The following SRCAP variants were observed in gnomAD, a reference collection of about 807,000 sequenced individuals.
SRCAP encodes Snf2 related CREBBP activator protein.
Under a neutral mutation model 263.1 loss-of-function variants are expected in SRCAP, and 46 were observed. That is an observed-to-expected ratio of 0.17 (90% confidence interval 0.14 to 0.22). The LOEUF (loss-of-function observed/expected upper bound fraction) is 0.22, where lower values mean the gene tolerates loss of function less well. SRCAP is among the 10% of genes least tolerant of loss of function. The probability of loss-of-function intolerance (pLI) is 1.00; values close to 1 mark genes in which losing one functional copy is unlikely to be tolerated. For missense variants in SRCAP, 3,695 were observed against 4,181.9 expected (o/e 0.88, Z 3.21); for synonymous variants, 1,813 against 1,662.1 (o/e 1.09, Z -2.21).
rs764834064 is a variant in SRCAP at position 30,738,006 on chromosome 16, C to T, written c.7966C>T (p.Pro2656Ser). The T allele has an allele frequency of 2.5e-6, 4 of 1,614,096 alleles. No individual in the cohort carries two copies. The highest frequency in any genetic ancestry group is 1.6e-4 in the Middle Eastern group (1 of 6,062). ...VSESNGLELP[P>S]SAASDEPLQE... ...TGAGAGCAATGGCCTGGAGCTCCCACCCTCAGCAGCATCTGATGAGCCACT... is the reference window on the plus strand; with the variant it reads ...TGAGAGCAATGGCCTGGAGCTCCCATCCTCAGCAGCATCTGATGAGCCACT... The change falls in exon 34 of 34, where the codon CCC becomes TCC. Residue 2656 changes from proline (P) to serine (S), a missense_variant. This residue lies in a region of SRCAP where 1,207 missense variants were observed against 1,142.9 expected (regional missense o/e 1.06). Coordinates refer to ENST00000262518, the MANE Select transcript of SRCAP (RefSeq NM_006662.3).
At position 30,721,222 on chromosome 16, in the gene SRCAP, C is replaced by T; in HGVS notation, c.3287C>T (p.Thr1096Ile). ...LPSPLGVLSG[T>I]SRPPTPTLSL... The stretch of plus-strand genomic sequence containing the variant: ...TCCCCCCTGGGGGTCCTGAGTGGGA[C>T]CTCACGGCCTCCCACGCCAACCTTG... Residue 1096 changes from threonine to isoleucine, a missense_variant, in exon 21 of 34, where the codon ACC becomes ATC. Transcript: ENST00000262518. 6.2e-7 allele frequency: 1 copy of T among 1,613,064 alleles called. No homozygotes were observed. Among genetic ancestry groups the T allele is most frequent in the Non-Finnish European group, 8.5e-7 (1 of 1,179,502 alleles).
intron 16 of SRCAP, among the ~76,000 whole-genome samples, chr16:30,714,292 C>T (rs558739742): frequency 6.6e-6 from 1 of 151,778 alleles, no homozygotes; most frequent in Admixed American, 6.6e-5. Flanking sequence ...TCTCCATCTC[C>T]TGACCTCATG....
chr16:30,704,792 C>T (rs988861413), intron 4 of SRCAP, among the ~76,000 whole-genome samples: 9 of 151,916 alleles, frequency 5.9e-5, no homozygotes, highest in East Asian at 1.9e-4. Flanking sequence ...CAGTGAGCCA[C>T]GATTATGCCA....
rs2053187708 is a variant in SRCAP, at chr16:30,738,730, G to C, written c.8690G>C (p.Gly2897Ala). The stretch of plus-strand genomic sequence containing the variant: ...ACCAATGGGGCTGACCCAGTCCCTG[G>C]GCCTGAGACCCTAATTGTTGCAGAT... ...GKTNGADPVP[G>A]PETLIVADPV... The change falls in exon 34 of 34, where the codon GGG (glycine) becomes GCG (alanine). Residue 2897 changes from glycine to alanine, a missense_variant. Coordinates refer to ENST00000262518, the MANE Select transcript of SRCAP (RefSeq NM_006662.3). 1 of 1,613,914 alleles carries C rather than the reference G, an allele frequency of 6.2e-7. No individual in the cohort carries two copies. Among genetic ancestry groups the C allele is most frequent in the African/African-American group, 1.3e-5 (1 of 74,892 alleles).
At position 30,724,132 on chromosome 16, in the gene SRCAP, G is replaced by A. The variant is rs757389822; in HGVS notation, c.4708G>A (p.Ala1570Thr). 1.9e-6 allele frequency: 3 copies of A among 1,613,820 alleles called. No homozygotes were observed. The highest frequency in any genetic ancestry group is 4.5e-5 in the East Asian group (2 of 44,894). The change falls in exon 25 of 34, where the codon GCT becomes ACT. Residue 1570 changes from alanine to threonine, a missense_variant. Physicochemically the swap from Ala to Thr is moderately conservative, Grantham distance 58 (BLOSUM62 0). Coordinates refer to ENST00000262518, the MANE Select transcript of SRCAP (RefSeq NM_006662.3). Reference protein sequence around the residue: ...PSAPNPAPAQASLLAPASSAS... With the variant: ...PSAPNPAPAQTSLLAPASSAS... ...AGCACCAAATCCAGCTCCAGCTCAG[G>A]CTTCCCTTCTGGCTCCAGCATCTTC...
At chr16:30,721,903 A>G (rs2053015249) in intron 21 of SRCAP, among the ~76,000 whole-genome samples, 1 of 152,144 alleles carries the variant, frequency 6.6e-6, no homozygotes, top group Non-Finnish European at 1.5e-5. Context: ...ATGTTAGAGG[A>G]TATAAAAGAG....
Position 30,735,601 on chromosome 16 carries a change from C to T in SRCAP, c.6730-599C>T, listed in dbSNP as rs562539595. Among the ~76,000 whole-genome samples the T allele has an allele frequency of 2.3e-3, 201 of 89,206 alleles. No homozygotes were observed. In the Middle Eastern group the frequency reaches 0.083, roughly 37 times the overall value. The allele number at this position is 89,206 out of a possible 152,430, so 58.5% of individuals were successfully genotyped here. ...TTTTTTTTTTTTTTGGAGACGGAGTCACGGAGTCTTGCTCTTTCGCCCAGG... is the reference window on the plus strand; with the variant it reads ...TTTTTTTTTTTTTTGGAGACGGAGTTACGGAGTCTTGCTCTTTCGCCCAGG... On this transcript the variant is annotated intron_variant, in intron 31 of 33. Coordinates refer to ENST00000262518, the MANE Select transcript of SRCAP (RefSeq NM_006662.3).
In SRCAP at chr16:30,739,323, G is replaced by A. The variant is rs2053198326; in HGVS notation, c.9283G>A (p.Asp3095Asn). 2 of 1,614,182 alleles carry A rather than the reference G, an allele frequency of 1.2e-6. No individual in the cohort carries two copies. The highest frequency in any genetic ancestry group is 1.3e-5 in the African/African-American group (1 of 75,052). Reference protein sequence around the residue: ...MVVAVIQDDLDLADSGPGGLE... With the variant: ...MVVAVIQDDLNLADSGPGGLE... ...GGTGGCTGTAATTCAGGATGACCTG[G>A]ACTTAGCAGATAGCGGGCCAGGCGG... Residue 3095 changes from aspartate to asparagine, a missense_variant, in exon 34 of 34, where the codon GAC (aspartate) becomes AAC (asparagine). Asp to Asn is a conservative substitution (Grantham distance 23, BLOSUM62 1). This residue lies in a region of SRCAP where 1,207 missense variants were observed against 1,142.9 expected (regional missense o/e 1.06). Coordinates refer to ENST00000262518, the MANE Select transcript of SRCAP (RefSeq NM_006662.3).
Position 30,739,573 on chromosome 16 carries a change from G to C in SRCAP, c.9533G>C (p.Gly3178Ala). ...GAGGAGTCTGAGGCTGAAGCCTCAG[G>C]TGAGGAGGAGGAAGGGGATGGGACC... ...SVEESEAEASGEEEEGDGTPR... is the reference protein window; with the variant it reads ...SVEESEAEASAEEEEGDGTPR... The change falls in exon 34 of 34, where the codon GGT (glycine) becomes GCT (alanine). Residue 3178 changes from glycine to alanine, a missense_variant. Transcript: ENST00000262518. 6.2e-7 allele frequency: 1 copy of C among 1,606,440 alleles called. No homozygotes were observed. Among genetic ancestry groups the C allele is most frequent in the Non-Finnish European group, 8.5e-7 (1 of 1,176,824 alleles).
rs374756213 is a variant in SRCAP, at chr16:30,711,956, C to T, written c.1614C>T (p.Ser538=). 7.3e-5 allele frequency: 117 copies of T among 1,613,700 alleles called. No individual in the cohort carries two copies. The highest frequency in any genetic ancestry group is 9.7e-5 in the Non-Finnish European group (115 of 1,179,986). The change falls in exon 12 of 34, where the codon AGC becomes AGT. Residue 538 remains serine (S), a synonymous_variant. Coordinates refer to ENST00000262518, the MANE Select transcript of SRCAP (RefSeq NM_006662.3). ...AGTCTGAGGATGCCCAATCACAGAG[C>T]CAAGCAGATGAAGAGGAGGAAGATG... is the stretch of plus-strand genomic sequence containing the variant. ...SEESEDAQSQ[S]QADEEEEDDD...
intron 18 of SRCAP, among the ~76,000 whole-genome samples, chr16:30,719,250 C>CT (rs2052985738): frequency 1.3e-5 from 2 of 150,610 alleles, no homozygotes; most frequent in Non-Finnish European, 2.9e-5. Flanking sequence ...GAGTCTCACT[C>CT]TGTCACCCAG....
At chr16:30,701,188 C>T (rs548530954) in intron 3 of SRCAP, 2 of 310,464 alleles carry the variant, frequency 6.4e-6, no homozygotes, top group African/African-American at 4.3e-5. Flanking sequence ...TCTATCAGTA[C>T]TGGAGTAGGA....
In SRCAP at chr16:30,739,928, C is replaced by CCCTTCA; in HGVS notation, c.*198_*203dup. 1 of 849,858 alleles carries CCCTTCA rather than the reference C, an allele frequency of 1.2e-6. No homozygotes were observed. The highest frequency in any genetic ancestry group is 1.7e-6 in the Non-Finnish European group (1 of 601,780). The allele number at this position is 849,858 out of a possible 1,614,324, so 52.6% of individuals were successfully genotyped here. A position where few individuals can be genotyped will look rare whatever the true frequency, so the allele number is the denominator to read the frequency against. On this transcript the variant is annotated 3_prime_UTR_variant, in exon 34 of 34. Transcript: ENST00000262518. ...AATGGGGATCATCACAGTCCCCTTCCCCTTCACCCCACGTGGCTGGGCAGT... is the reference window on the plus strand; with the variant it reads ...AATGGGGATCATCACAGTCCCCTTCCCCTTCACCTTCACCCCACGTGGCTGGGCAGT...
chr16:30,711,056 A>G lies in SRCAP; in HGVS notation c.1286A>G (p.His429Arg). 1.2e-6 allele frequency: 2 copies of G among 1,614,076 alleles called. No homozygotes were observed. The highest frequency in any genetic ancestry group is 2.2e-5 in the South Asian group (2 of 91,068). ...AEEQLEGEVD[H>R]AMELSELARE... The stretch of plus-strand genomic sequence containing the variant: ...GAACAGTTGGAAGGGGAGGTGGATC[A>G]TGCCATGGAGCTGAGCGAGTTGGCT... Residue 429 changes from histidine to arginine, a missense_variant, in exon 10 of 34, where the codon CAT becomes CGT. Physicochemically the swap from His to Arg is conservative, Grantham distance 29 (BLOSUM62 0). Transcript: ENST00000262518.
At chr16:30,735,209 G>C (rs886979503) in intron 31 of SRCAP, among the ~76,000 whole-genome samples, 2 of 138,234 alleles carry the variant, frequency 1.4e-5, no homozygotes, top group East Asian at 2.0e-4. Context: ...TGCAGTGGCG[G>C]GATCTCGGCT....
At chr16:30,706,586 A>G (rs1030148323) in intron 4 of SRCAP, among the ~76,000 whole-genome samples, 1 of 152,246 alleles carries the variant, frequency 6.6e-6, no homozygotes, top group Non-Finnish European at 1.5e-5. Flanking sequence ...ACACCTAATC[A>G]GTGTTAAACA....
Position 30,739,065 on chromosome 16 carries a change from C to A in SRCAP, c.9025C>A (p.Arg3009=), listed in dbSNP as rs987420754. 1.7e-5 allele frequency: 28 copies of A among 1,614,102 alleles called. No homozygotes were observed. Among genetic ancestry groups the A allele is most frequent in the Middle Eastern group, 1.6e-4 (1 of 6,084 alleles). The change falls in exon 34 of 34, where the codon CGA becomes AGA. Residue 3009 remains arginine (R), a synonymous_variant. Coordinates refer to ENST00000262518, the MANE Select transcript of SRCAP (RefSeq NM_006662.3). ...GTCCCCACCCAAACGGAAGAGGGGC[C>A]GACCTCCCAAGAATCCTCCATCACC... The part of the protein sequence containing the change: ...STSPPKRKRG[R]PPKNPPSPRP...
At chr16:30,734,986 T>C (rs946205675) in intron 31 of SRCAP, among the ~76,000 whole-genome samples, 11 of 152,138 alleles carry the variant, frequency 7.2e-5, no homozygotes, top group Non-Finnish European at 1.6e-4. Flanking sequence ...GCTGGAGAGC[T>C]CTGAAAACAC....
At chr16:30,707,048 C>T in intron 4 of SRCAP, 135 bp from the exon 5 acceptor site, 1 of 782,872 alleles carries the variant, frequency 1.3e-6, no homozygotes, top group South Asian at 1.8e-5. Context: ...AGTATGATAC[C>T]TGCCTGTAAG....
Sources: gnomAD v4.1 joint callset for allele counts (sites outside exome capture counted in the v4.1 genomes callset) on GRCh38, gnomAD v4.1.1 for gene constraint, gnomAD v4.1.1 regional missense constraint, MANE v1.5 for transcripts, NCBI Gene and HGNC (gene_info 2026-07-23, HGNC 2026-07-21) for gene names.